Variants in FHIP1B observed in about 807,000 individuals in gnomAD.
The protein encoded by FHIP1B is FHF complex subunit HOOK-interacting protein 1B.
FHIP1B carries 28 observed loss-of-function variants against 82.2 expected under a neutral mutation model. That is an observed-to-expected ratio of 0.34 (90% CI 0.25 to 0.47). FHIP1B has a LOEUF of 0.47. Ranked by LOEUF, FHIP1B falls within the 20% of genes least tolerant of loss-of-function variation. The pLI, the probability that FHIP1B is intolerant of heterozygous loss-of-function variation, is 1.00. For missense variants in FHIP1B, 1,110 were observed against 1,262.6 expected, an observed-to-expected ratio of 0.88 and a Z score of 1.83; for synonymous variants, 585 against 516.1, an observed-to-expected ratio of 1.13 and a Z score of -1.81.
At chr11:6,212,069 G>C (rs1847089318) in intron 11 of FHIP1B, 5 of 632,072 alleles carry the variant, frequency 7.9e-6, no homozygotes, top group African/African-American at 6.0e-5. Context: ...GAGGAGTAGA[G>C]TGAGGAGTTC....
chr11:6,222,340 G>A, intron 6 of FHIP1B, 102 bp downstream of exon 6: 4 of 1,306,422 alleles, frequency 3.1e-6, no homozygotes, highest in Non-Finnish European at 3.2e-6. Context: ...GGTGACTGCT[G>A]GAGATACAGG....
At chr11:6,230,009 C>G (rs1847658364) in intron 1 of FHIP1B, among the ~76,000 whole-genome samples, 1 of 151,542 alleles carries the variant, frequency 6.6e-6, no homozygotes, top group African/African-American at 2.4e-5. Flanking sequence ...ACCTGCCACT[C>G]TCCAGATTTA....
chr11:6,229,722 C>T (rs967877752), intron 1 of FHIP1B, among the ~76,000 whole-genome samples: 5 of 152,072 alleles, frequency 3.3e-5, no homozygotes, highest in Middle Eastern at 3.2e-3. Flanking sequence ...CAGGACCCTT[C>T]CTCACCCACC....
At chr11:6,216,858 G>A (rs1847241696) in intron 9 of FHIP1B, 1 of 584,760 alleles carries the variant, frequency 1.7e-6, no homozygotes. Context: ...GAAGAGGTGG[G>A]GAGGAAGGAG....
intron 9 of FHIP1B, 136 bp from the exon 10 acceptor site, chr11:6,215,047 C>T (rs1045480663): frequency 2.6e-6 from 2 of 780,704 alleles, no homozygotes; most frequent in Middle Eastern, 2.6e-4. Flanking sequence ...GTTTAAATAT[C>T]CCGTGGCCAC....
At position 6,217,864 on chromosome 11, in the gene FHIP1B, G is replaced by A. The variant is rs201174707; in HGVS notation, c.1722C>T (p.Ala574=). The A allele has an allele frequency of 6.8e-6, 11 of 1,613,808 alleles. No individual in the cohort carries two copies. Among genetic ancestry groups the A allele is most frequent in the East Asian group, 6.7e-5 (3 of 44,876 alleles). Residue 574 remains alanine (A), a synonymous_variant, in exon 9 of 12, where the codon GCC becomes GCT. Coordinates refer to ENST00000449352, the MANE Select transcript of FHIP1B (RefSeq NM_001098794.2). ...RCVRACRTWS[A]PYDGERPSPE... ...GAGAGGGCCGCTCGCCATCATAGGG[G>A]GCAGACCAGGTACGGCAGGCTCGGA...
In FHIP1B at chr11:6,218,120, G is replaced by C. The variant is rs1564861550; in HGVS notation, c.1466C>G (p.Ser489Cys). 1 of 1,612,696 alleles carries C rather than the reference G, an allele frequency of 6.2e-7. No individual in the cohort carries two copies. Among genetic ancestry groups the C allele is most frequent in the South Asian group, 1.1e-5 (1 of 90,942 alleles). Reference protein sequence around the residue: ...GPGSPSVDSSSVTTVPRPSTP... With the variant: ...GPGSPSVDSSCVTTVPRPSTP... ...GGAGGGCCGGGGTACTGTCGTCACA[G>C]AAGAGGAGTCCACACTTGGGCTTCC... The change falls in exon 9 of 12, where the codon TCT becomes TGT. Residue 489 changes from serine (S) to cysteine (C), a missense_variant. By Grantham distance (112) the Ser-to-Cys change is moderately radical. Around this residue, in one of 6 missense-constraint regions of FHIP1B, gnomAD observed 418 missense variants for 371.4 expected, o/e 1.13. Transcript: ENST00000449352.
chr11:6,217,529 C>G lies in FHIP1B; in HGVS notation c.2057G>C (p.Ser686Thr). The G allele has an allele frequency of 6.2e-7, 1 of 1,610,722 alleles. No homozygotes were observed. The highest frequency in any genetic ancestry group is 8.5e-7 in the Non-Finnish European group (1 of 1,177,960). The change falls in exon 9 of 12, where the codon AGC (serine) becomes ACC (threonine). Residue 686 changes from serine (S) to threonine (T), a missense_variant. Ser to Thr is a moderately conservative substitution (Grantham distance 58). Around this residue, in one of 6 missense-constraint regions of FHIP1B, gnomAD observed 418 missense variants for 371.4 expected, o/e 1.13. Transcript: ENST00000449352. ...GGACTCTGAGCCAGTTCCCCCATTG[C>G]TCAATGCCACCTCTAGCTCCCGGAG... ...QELRELEVAL[S>T]NGGTGSESPL... is the part of the protein sequence containing the mutation.
chr11:6,229,770 C>G (rs367953042), intron 1 of FHIP1B, among the ~76,000 whole-genome samples: 1 of 152,202 alleles, frequency 6.6e-6, no homozygotes, highest in South Asian at 2.1e-4. Flanking sequence ...TCAAAGACCT[C>G]AAGAGAAGAT....
chr11:6,225,613 T>G (rs1847542738), intron 1 of FHIP1B, among the ~76,000 whole-genome samples: 1 of 152,216 alleles, frequency 6.6e-6, no homozygotes, highest in Non-Finnish European at 1.5e-5. Flanking sequence ...TCGTTGAACG[T>G]ATTAATGCTG....
intron 6 of FHIP1B, 139 bp from the exon 7 acceptor site, chr11:6,219,189 T>C (rs748263771): frequency 1.3e-5 from 8 of 634,184 alleles, no homozygotes; most frequent in Non-Finnish European, 2.0e-5. Flanking sequence ...CCATGTACCA[T>C]GCCTGGCACA....
At chr11:6,219,573 T>C (rs1478084171) in intron 6 of FHIP1B, among the ~76,000 whole-genome samples, 1 of 152,138 alleles carries the variant, frequency 6.6e-6, no homozygotes, top group Admixed American at 6.5e-5. Context: ...AACACTAGTG[T>C]ATCTCTCAGA....
At chr11:6,227,729 T>C (rs181236642) in intron 1 of FHIP1B, among the ~76,000 whole-genome samples, 2 of 152,178 alleles carry the variant, frequency 1.3e-5, no homozygotes, top group East Asian at 1.9e-4. Flanking sequence ...GAACAGCAGA[T>C]CATGAAAGGA....
At chr11:6,220,898 A>G (rs1305701980) in intron 6 of FHIP1B, among the ~76,000 whole-genome samples, 1 of 152,042 alleles carries the variant, frequency 6.6e-6, no homozygotes, top group Non-Finnish European at 1.5e-5. Context: ...ATAATGAGGG[A>G]AAAAAAATAC....
At position 6,224,081 on chromosome 11, in the gene FHIP1B, G is replaced by A. The variant is rs139345169; in HGVS notation, c.306C>T (p.His102=). The A allele has an allele frequency of 2.0e-4, 327 of 1,613,750 alleles. 1 individual carries two copies. Among genetic ancestry groups the A allele is most frequent in the South Asian group, 4.1e-4 (37 of 90,994 alleles). The change falls in exon 3 of 12, where the codon CAC becomes CAT. Residue 102 remains histidine (H), a synonymous_variant. Coordinates refer to ENST00000449352, the MANE Select transcript of FHIP1B (RefSeq NM_001098794.2). ...GPGPLLEFAL[H]EDLLTRVLTW... ...TCAACACACGGGTCAGCAGATCCTC[G>A]TGCAGAGCAAACTCCAGCAGGGGCC...
chr11:6,219,996 A>T (rs1847361423), intron 6 of FHIP1B, among the ~76,000 whole-genome samples: 1 of 152,220 alleles, frequency 6.6e-6, no homozygotes, highest in Non-Finnish European at 1.5e-5. Context: ...GCAATGAAAA[A>T]ATTCAGACTC....
At position 6,233,143 on chromosome 11, in the gene FHIP1B, G is replaced by A. The variant is rs2169603; in HGVS notation, c.-192+1401C>T. 3.8e-4 allele frequency among the ~76,000 whole-genome samples: 58 copies of A among 152,314 alleles called. No individual in the cohort carries two copies. In the Middle Eastern group the frequency reaches 0.017, roughly 45 times the overall value. The stretch of plus-strand genomic sequence containing the variant: ...AGGCCTGTCTGGACTCCAGAAAGAA[G>A]CAATGAGAATATACCACAGGATATA... On this transcript the variant is annotated intron_variant, in intron 1 of 11. Coordinates refer to ENST00000449352, the MANE Select transcript of FHIP1B (RefSeq NM_001098794.2).
rs964800541 is a variant in FHIP1B, at chr11:6,218,876, T to A, written c.1271+95A>T. 4.5e-6 allele frequency: 7 copies of A among 1,564,878 alleles called. No homozygotes were observed. The African/African-American group carries it at 8.1e-5, about 18-fold the overall frequency. On this transcript the variant is annotated intron_variant, in intron 7 of 11. Transcript: ENST00000449352. The stretch of plus-strand genomic sequence containing the variant: ...GTTAAGCCAGGCTCCAAGTGGAAAC[T>A]CATGAGTAACCCCTATATAGCCCAT...
chr11:6,223,512 CG>C lies in FHIP1B; in HGVS notation c.777+97del. The C allele has an allele frequency of 1.4e-6, 2 of 1,427,118 alleles. No individual in the cohort carries two copies. The highest frequency in any genetic ancestry group is 1.9e-6 in the Non-Finnish European group (2 of 1,054,826). The allele number at this position is 1,427,118 out of a possible 1,614,324, so 88.4% of individuals were successfully genotyped here. A position where few individuals can be genotyped will look rare whatever the true frequency, so the allele number is the denominator to read the frequency against. Reference sequence around the variant, plus strand: ...ATCCAGGAACTGTTTCCTAGGGGAACGGGCCCTGGAACATAGCCTCTCCCCA... The same window carrying C: ...ATCCAGGAACTGTTTCCTAGGGGAACGGCCCTGGAACATAGCCTCTCCCCA... On this transcript the variant is annotated intron_variant, in intron 3 of 11. Coordinates refer to ENST00000449352, the MANE Select transcript of FHIP1B (RefSeq NM_001098794.2). The surrounding 1 kb of genome is among the most constrained non-coding windows in gnomAD (Gnocchi z 4.8).
Sources: allele counts gnomAD v4.1 joint callset (sites outside exome capture counted in the v4.1 genomes callset), GRCh38; gene constraint gnomAD v4.1.1; regional missense constraint gnomAD v4.1.1; non-coding constraint Gnocchi (gnomAD v3.1); transcripts MANE v1.5; gene names NCBI Gene and HGNC (gene_info 2026-07-23, HGNC 2026-07-21).